The following GABRA1 variants were observed in gnomAD, a reference collection of about 807,000 sequenced individuals.
GABRA1 encodes the protein gamma-aminobutyric acid receptor subunit alpha-1.
In GABRA1, 9 loss-of-function variants were observed where a neutral mutation model predicts 48.9. The ratio of observed to expected loss-of-function variants is 0.18; its 90% CI spans 0.11 to 0.32. The LOEUF (loss-of-function observed/expected upper bound fraction) is 0.32, where lower values mean the gene tolerates loss of function less well. Among genes scored for constraint, GABRA1 ranks in the 10% least tolerant of loss-of-function variants. The pLI is 1.00. For synonymous variants in GABRA1, 210 were observed against 198.7 expected (o/e 1.06, Z -0.48); for missense variants, 285 against 553.8 (o/e 0.51, Z 4.87).
intron 8 of GABRA1, among the ~76,000 whole-genome samples, chr5:161,891,349 AACTT>A (rs1322561289): frequency 2.6e-5 from 4 of 152,182 alleles, no homozygotes; most frequent in Non-Finnish European, 5.9e-5. Flanking sequence ...CATAAATAAA[AACTT>A]AATATTTAAA....
At chr5:161,864,414 C>G (rs114311794) in intron 3 of GABRA1, among the ~76,000 whole-genome samples, 3,937 of 152,064 alleles carry the variant, frequency 0.026, 76 homozygotes, top group Non-Finnish European at 0.036. Flanking sequence ...AGCTGACTTA[C>G]ACATTATGTG....
At chr5:161,865,271 C>G (rs1032926761) in intron 3 of GABRA1, among the ~76,000 whole-genome samples, 3 of 152,124 alleles carry the variant, frequency 2.0e-5, no homozygotes, top group African/African-American at 7.2e-5. Context: ...ATAAAACATA[C>G]TCTTGAGTCC....
At chr5:161,896,987 T>A (rs1581221380) in intron 9 of GABRA1, 124 bp from the exon 10 acceptor site, 1 of 805,884 alleles carries the variant, frequency 1.2e-6, no homozygotes, top group East Asian at 2.4e-5. Flanking sequence ...GCATAAATTA[T>A]GTTTTTAAAT....
At chr5:161,853,220 T>C (rs948463418) in intron 2 of GABRA1, among the ~76,000 whole-genome samples, 1 of 151,930 alleles carries the variant, frequency 6.6e-6, no homozygotes, top group Non-Finnish European at 1.5e-5. Flanking sequence ...ATGTGATTGA[T>C]GTAGGAAATA....
chr5:161,883,438 A>G (rs1209006871), intron 7 of GABRA1, among the ~76,000 whole-genome samples: 2 of 152,168 alleles, frequency 1.3e-5, no homozygotes, highest in African/African-American at 4.8e-5. Flanking sequence ...TCGAACAATA[A>G]GATAAAAGTT....
rs139411103 is a variant in GABRA1, at chr5:161,889,264, T to A, written c.704-1634T>A. Among the ~76,000 whole-genome samples the A allele has an allele frequency of 2.5e-3, 378 of 152,170 alleles. 2 individuals carry two copies. Among genetic ancestry groups the A allele is most frequent in the African/African-American group, 6.3e-3 (263 of 41,554 alleles). On this transcript the variant is annotated intron_variant, in intron 7 of 9. Transcript: ENST00000393943. ...GAAGAAAATGGAGAAACAAATTAAATTTATTTTAACATTATAATGTGGTTA... is the reference window on the plus strand; with the variant it reads ...GAAGAAAATGGAGAAACAAATTAAAATTATTTTAACATTATAATGTGGTTA...
At chr5:161,891,936 A>G (rs1017415393) in intron 8 of GABRA1, among the ~76,000 whole-genome samples, 1 of 152,230 alleles carries the variant, frequency 6.6e-6, no homozygotes, top group African/African-American at 2.4e-5. Context: ...TTACTTAACT[A>G]TAAAACAAAT....
intron 2 of GABRA1, among the ~76,000 whole-genome samples, chr5:161,851,922 T>C (rs114855369): frequency 0.047 from 7,098 of 152,214 alleles, 208 homozygotes; most frequent in African/African-American, 0.073. Flanking sequence ...CAGTGTTTTA[T>C]TATATAGTGG....
At chr5:161,871,275 A>T (rs916909763) in intron 4 of GABRA1, among the ~76,000 whole-genome samples, 1 of 152,140 alleles carries the variant, frequency 6.6e-6, no homozygotes, top group Non-Finnish European at 1.5e-5. Context: ...GGCTCGATTC[A>T]TGGGAACGTG....
chr5:161,898,912 T>C lies in GABRA1; in HGVS notation c.*1490T>C, dbSNP rs1242463851. ...ACATTTCATTTATACTGTAGCAATA[T>C]ATTTGTAGGTATACTATGTAAGGGC... On this transcript the variant is annotated 3_prime_UTR_variant, in exon 10 of 10. Transcript: ENST00000393943. 6.6e-6 allele frequency: 1 copy of C among 152,560 alleles called. No individual in the cohort carries two copies. Among genetic ancestry groups the C allele is most frequent in the African/African-American group, 2.4e-5 (1 of 41,450 alleles). 9.5% of individuals were successfully genotyped at this position (152,560 alleles called of 1,614,324 possible). A position where few individuals can be genotyped will look rare whatever the true frequency, so the allele number is the denominator to read the frequency against.
intron 4 of GABRA1, among the ~76,000 whole-genome samples, chr5:161,868,775 T>C (rs928072187): frequency 6.6e-6 from 1 of 152,200 alleles, no homozygotes; most frequent in Non-Finnish European, 1.5e-5. Flanking sequence ...GCCTTTGAGT[T>C]ATTGCTTCAG....
At chr5:161,861,942 A>G (rs528486654) in intron 3 of GABRA1, among the ~76,000 whole-genome samples, 2 of 152,046 alleles carry the variant, frequency 1.3e-5, no homozygotes, top group South Asian at 2.1e-4. Flanking sequence ...ATAGACCTCC[A>G]TCATCAGTTA....
At chr5:161,880,012 A>C (rs1383051083) in intron 6 of GABRA1, among the ~76,000 whole-genome samples, 1 of 152,218 alleles carries the variant, frequency 6.6e-6, no homozygotes, top group Non-Finnish European at 1.5e-5. Flanking sequence ...TTCATCACTA[A>C]TTGCACAACC....
At chr5:161,866,739 C>T (rs1327946208) in intron 4 of GABRA1, among the ~76,000 whole-genome samples, 1 of 152,040 alleles carries the variant, frequency 6.6e-6, no homozygotes, top group Non-Finnish European at 1.5e-5. Context: ...TGTCATTTGA[C>T]CCCTGTTTAT....
At chr5:161,856,466 G>T (rs1411359913) in intron 3 of GABRA1, among the ~76,000 whole-genome samples, 1 of 151,192 alleles carries the variant, frequency 6.6e-6, no homozygotes, top group East Asian at 1.9e-4. Context: ...CAGTGGATGT[G>T]CTTTTATCTT....
intron 6 of GABRA1, among the ~76,000 whole-genome samples, chr5:161,880,977 A>T (rs776703006): frequency 6.6e-6 from 1 of 152,244 alleles, no homozygotes; most frequent in Non-Finnish European, 1.5e-5. Flanking sequence ...TTTGGAGGCC[A>T]TTCCTCCAAG....
intron 7 of GABRA1, among the ~76,000 whole-genome samples, chr5:161,886,164 T>TA (rs1217271489): frequency 6.6e-6 from 1 of 152,038 alleles, no homozygotes; most frequent in Admixed American, 6.6e-5. Context: ...TGAACCTGGG[T>TA]TGTCAACCTG....
intron 4 of GABRA1, among the ~76,000 whole-genome samples, chr5:161,867,566 C>A (rs1378343212): frequency 6.6e-6 from 1 of 152,040 alleles, no homozygotes; most frequent in Admixed American, 6.6e-5. Flanking sequence ...GTTGCCTATT[C>A]CTTCAACATT....
intron 7 of GABRA1, among the ~76,000 whole-genome samples, chr5:161,886,149 G>C (rs1196244995): frequency 6.6e-6 from 1 of 152,012 alleles, no homozygotes; most frequent in Non-Finnish European, 1.5e-5. Flanking sequence ...GGCAGAACTG[G>C]GATTTGAACC....
Sources: allele counts gnomAD v4.1 joint callset (sites outside exome capture counted in the v4.1 genomes callset), GRCh38; gene constraint gnomAD v4.1.1; transcripts MANE v1.5; gene names NCBI Gene and HGNC (gene_info 2026-07-23, HGNC 2026-07-21).